The following NKX6-1 variants were observed in gnomAD, a reference collection of about 807,000 sequenced individuals.
The protein encoded by NKX6-1 is homeobox protein Nkx-6.1.
Under a neutral mutation model 24.9 loss-of-function variants are expected in NKX6-1, and 11 were observed. That is an observed-to-expected ratio of 0.44 (90% confidence interval 0.28 to 0.73). The LOEUF (loss-of-function observed/expected upper bound fraction) is 0.73, where lower values mean the gene tolerates loss of function less well. Ranked by LOEUF, NKX6-1 falls within the 30% of genes least tolerant of loss-of-function variation. The probability of loss-of-function intolerance (pLI) is 0.15; values close to 1 mark genes in which losing one functional copy is unlikely to be tolerated. For synonymous variants in NKX6-1, 277 were observed against 242.9 expected (o/e 1.14, Z -1.31); for missense variants, 487 against 502.9 (o/e 0.97, Z 0.30).
rs906385974 is a variant in NKX6-1 at position 84,492,279 on chromosome 4, G to T, written c.*1010C>A. Reference sequence around the variant, plus strand: ...CAATTCCCACCACCTACTTTAACACGCATTTTTATCAGAAAGGAGTTAAAT... The same window carrying T: ...CAATTCCCACCACCTACTTTAACACTCATTTTTATCAGAAAGGAGTTAAAT... On this transcript the variant is annotated 3_prime_UTR_variant, in exon 3 of 3. Coordinates refer to ENST00000295886, the MANE Select transcript of NKX6-1 (RefSeq NM_006168.3). 6.6e-6 allele frequency: 1 copy of T among 152,072 alleles called. No individual in the cohort carries two copies. Among genetic ancestry groups the T allele is most frequent in the Admixed American group, 6.5e-5 (1 of 15,268 alleles). 9.4% of individuals were successfully genotyped at this position (152,072 alleles called of 1,614,324 possible).
chr4:84,495,975 G>T, intron 1 of NKX6-1, 131 bp from the exon 2 acceptor site: 1 of 880,956 alleles, frequency 1.1e-6, no homozygotes, highest in Non-Finnish European at 1.8e-6. Context: ...GCGGACACCA[G>T]AAGTGTAGTG....
chr4:84,493,587 G>A lies in NKX6-1; in HGVS notation c.844-38C>T, dbSNP rs1578467459. On this transcript the variant is annotated intron_variant, in intron 2 of 2. Coordinates refer to ENST00000295886, the MANE Select transcript of NKX6-1 (RefSeq NM_006168.3). This position sits in a 1 kb window ranked among gnomAD's most constrained non-coding sequence, Gnocchi z 5.1. ...AAAAGGGAGGAGAGGGGAGGCAAGGGCGAGGAATTAAACGAGCAGATCCAG... is the reference window on the plus strand; with the variant it reads ...AAAAGGGAGGAGAGGGGAGGCAAGGACGAGGAATTAAACGAGCAGATCCAG... 1.2e-6 allele frequency: 2 copies of A among 1,611,464 alleles called. No homozygotes were observed. Among genetic ancestry groups the A allele is most frequent in the Non-Finnish European group, 1.7e-6 (2 of 1,178,376 alleles).
rs1330946988 is a variant in NKX6-1 at position 84,498,286 on chromosome 4, G to C, written c.-58C>G. 12 of 1,279,870 alleles carry C rather than the reference G, an allele frequency of 9.4e-6. No individual in the cohort carries two copies. The highest frequency in any genetic ancestry group is 1.1e-5 in the Non-Finnish European group (11 of 1,013,698). The allele number at this position is 1,279,870 out of a possible 1,614,324, so 79.3% of individuals were successfully genotyped here. A position where few individuals can be genotyped will look rare whatever the true frequency, so the allele number is the denominator to read the frequency against. On this transcript the variant is annotated 5_prime_UTR_variant, in exon 1 of 3. Transcript: ENST00000295886. Reference sequence around the variant, plus strand: ...GCGAGGGCGCTGGCTGGTGCCCCCCGCGGGGCTCAGAGGAGCCGGAAGCGC... The same window carrying C: ...GCGAGGGCGCTGGCTGGTGCCCCCCCCGGGGCTCAGAGGAGCCGGAAGCGC...
chr4:84,493,475 C>A lies in NKX6-1; in HGVS notation c.918G>T (p.Gln306His). Residue 306 changes from glutamine to histidine, a missense_variant, in exon 3 of 3, where the codon CAG becomes CAT. By Grantham distance (24) the Gln-to-His change is conservative. This residue lies in a region of NKX6-1 where 126 missense variants were observed against 105.5 expected (regional missense o/e 1.19). Coordinates refer to ENST00000295886, the MANE Select transcript of NKX6-1 (RefSeq NM_006168.3). The surrounding 1 kb of genome is among the most constrained non-coding windows in gnomAD (Gnocchi z 5.1). Reference sequence around the variant, plus strand: ...CCTTGAGGCGCTCTGTCTCCGAGTCCTGCTTCTTCTTGGCCGTGGCCATCT... The same window carrying A: ...CCTTGAGGCGCTCTGTCTCCGAGTCATGCTTCTTCTTGGCCGTGGCCATCT... ...AAEMATAKKKQDSETERLKGA... is the reference protein window; with the variant it reads ...AAEMATAKKKHDSETERLKGA... The A allele has an allele frequency of 6.2e-7, 1 of 1,614,264 alleles. No homozygotes were observed.
chr4:84,494,945 G>T (rs984722836), intron 2 of NKX6-1, among the ~76,000 whole-genome samples: 1 of 152,170 alleles, frequency 6.6e-6, no homozygotes, highest in Non-Finnish European at 1.5e-5. Context: ...AAAAATTTCT[G>T]AAATTTGTTT....
Position 84,492,332 on chromosome 4 carries a change from A to C in NKX6-1, c.*957T>G, listed in dbSNP as rs952686392. 2.6e-5 allele frequency: 4 copies of C among 152,124 alleles called. No individual in the cohort carries two copies. Among genetic ancestry groups the C allele is most frequent in the Admixed American group, 2.6e-4 (4 of 15,280 alleles). 9.4% of individuals were successfully genotyped at this position (152,124 alleles called of 1,614,324 possible). A position where few individuals can be genotyped will look rare whatever the true frequency, so the allele number is the denominator to read the frequency against. On this transcript the variant is annotated 3_prime_UTR_variant, in exon 3 of 3. Coordinates refer to ENST00000295886, the MANE Select transcript of NKX6-1 (RefSeq NM_006168.3). ...AAGCTATTGTAGCCCCTCCCTCCCC[A>C]ATATTTTCTTTAAATCACTAATAAA...
rs140114269 is a variant in NKX6-1 at position 84,498,669 on chromosome 4, G to C, written c.-441C>G. 3.3e-3 allele frequency among the ~76,000 whole-genome samples: 505 copies of C among 152,314 alleles called. 3 individuals are homozygous for C. Among genetic ancestry groups the C allele is most frequent in the Middle Eastern group, 0.01 (3 of 294 alleles). On this transcript the variant is annotated 5_prime_UTR_variant, in exon 1 of 3. Coordinates refer to ENST00000295886, the MANE Select transcript of NKX6-1 (RefSeq NM_006168.3). Reference sequence around the variant, plus strand: ...AATCTCCACTTTGAAGTTGGAGGGTGGGGGTGGCTTGCTTTCTTTGGGGAG... The same window carrying C: ...AATCTCCACTTTGAAGTTGGAGGGTCGGGGTGGCTTGCTTTCTTTGGGGAG...
At position 84,493,669 on chromosome 4, in the gene NKX6-1, T is replaced by TGCCCTCCCTCGCA; in HGVS notation, c.844-133_844-121dup. 2 of 1,259,990 alleles carry TGCCCTCCCTCGCA rather than the reference T, an allele frequency of 1.6e-6. No individual in the cohort carries two copies. The highest frequency in any genetic ancestry group is 1.4e-5 in the South Asian group (1 of 70,138). 78.1% of individuals were successfully genotyped at this position (1,259,990 alleles called of 1,614,324 possible). A position where few individuals can be genotyped will look rare whatever the true frequency, so the allele number is the denominator to read the frequency against. On this transcript the variant is annotated intron_variant, in intron 2 of 2. Transcript: ENST00000295886. This position sits in a 1 kb window ranked among gnomAD's most constrained non-coding sequence, Gnocchi z 5.1. ...CTCCCGCGGCCCCCCGAAGGCCTGC[T>TGCCCTCCCTCGCA]GCCCTCCCTCGCAGCCCTCCCTTTT... is the stretch of plus-strand genomic sequence containing the variant.
chr4:84,498,655 T>C lies in NKX6-1; in HGVS notation c.-427A>G, dbSNP rs1720880434. On this transcript the variant is annotated 5_prime_UTR_variant, in exon 1 of 3. Transcript: ENST00000295886. The stretch of plus-strand genomic sequence containing the variant: ...AAAGTTAGTTGCCGAATCTCCACTT[T>C]GAAGTTGGAGGGTGGGGGTGGCTTG... Among the ~76,000 whole-genome samples the C allele has an allele frequency of 6.6e-6, 1 of 152,138 alleles. No individual in the cohort carries two copies. The highest frequency in any genetic ancestry group is 2.4e-5 in the African/African-American group (1 of 41,430).
rs773089750 is a variant in NKX6-1, at chr4:84,492,995, G to A, written c.*294C>T. The A allele has an allele frequency of 1.2e-3, 246 of 204,868 alleles. 5 individuals carry two copies. Among genetic ancestry groups the A allele is most frequent in the Non-Finnish European group, 3.8e-4 (39 of 103,298 alleles). The allele number at this position is 204,868 out of a possible 1,614,324, so 12.7% of individuals were successfully genotyped here. A position where few individuals can be genotyped will look rare whatever the true frequency, so the allele number is the denominator to read the frequency against. On this transcript the variant is annotated 3_prime_UTR_variant, in exon 3 of 3. Coordinates refer to ENST00000295886, the MANE Select transcript of NKX6-1 (RefSeq NM_006168.3). ...GAGGCCGCTGCCCGCCTATGGGGAC[G>A]CGGCTGGGACCGTGGCCCGGCTGCG...
chr4:84,494,347 T>C (rs535807973), intron 2 of NKX6-1, among the ~76,000 whole-genome samples: 2 of 152,344 alleles, frequency 1.3e-5, no homozygotes, highest in Non-Finnish European at 2.9e-5. Context: ...TCAAATGTTA[T>C]TTTAACTGTG....
In NKX6-1 at chr4:84,497,725, C is replaced by G; in HGVS notation, c.504G>C (p.Pro168=). 8.0e-7 allele frequency: 1 copy of G among 1,257,182 alleles called. No homozygotes were observed. Among genetic ancestry groups the G allele is most frequent in the South Asian group, 3.4e-5 (1 of 29,232 alleles). The allele number at this position is 1,257,182 out of a possible 1,614,324, so 77.9% of individuals were successfully genotyped here. Residue 168 remains proline (P), a synonymous_variant, in exon 1 of 3, where the codon CCG becomes CCC. Transcript: ENST00000295886. The surrounding 1 kb of genome is among the most constrained non-coding windows in gnomAD (Gnocchi z 4.8). ...AGLPRFSSLS[P]PPPPPGLYFS... is the part of the protein sequence containing the mutation. ...AGTAGAGCCCGGGCGGCGGCGGCGG[C>G]GGGCTCAGGCTGCTAAAGCGTGGCA...
chr4:84,496,203 G>A (rs1423217398), intron 1 of NKX6-1, among the ~76,000 whole-genome samples: 2 of 151,858 alleles, frequency 1.3e-5, no homozygotes, highest in East Asian at 1.9e-4. Flanking sequence ...TCCAGTCGGT[G>A]CTCGTTCGGC....
intron 2 of NKX6-1, 88 bp downstream of exon 2, chr4:84,495,584 G>GGTGTGTGT (rs10549802): frequency 3.1e-6 from 3 of 960,366 alleles, no homozygotes; most frequent in Admixed American, 2.2e-5. Context: ...GTTAGTTTGG[G>GGTGTGTGT]GTGTGTGTGT....
rs1302991186 is a variant in NKX6-1 at position 84,493,310 on chromosome 4, G to C, written c.1083C>G (p.Ser361=). Residue 361 remains serine (S), a synonymous_variant, in exon 3 of 3, where the codon TCC becomes TCG. Transcript: ENST00000295886. The surrounding 1 kb of genome is among the most constrained non-coding windows in gnomAD (Gnocchi z 5.1). ...GCGTTCAGGATGAGCTCTCCGGCTC[G>C]GACGCGTGCAGTAGGAGGCCGCCGC... ...GGGGGLLLHA[S]EPESSS is the part of the protein sequence containing the mutation. 2 of 1,602,980 alleles carry C rather than the reference G, an allele frequency of 1.2e-6. No individual in the cohort carries two copies. The highest frequency in any genetic ancestry group is 8.5e-7 in the Non-Finnish European group (1 of 1,177,656).
In NKX6-1 at chr4:84,497,689, G is replaced by T; in HGVS notation, c.540C>A (p.Ser180Arg). The T allele has an allele frequency of 2.4e-6, 3 of 1,271,860 alleles. No individual in the cohort carries two copies. The highest frequency in any genetic ancestry group is 3.3e-5 in the South Asian group (1 of 30,592). 78.8% of individuals were successfully genotyped at this position (1,271,860 alleles called of 1,614,324 possible). ...PPPPGLYFSP[S>R]AAAVAAVGRY... is the part of the protein sequence containing the mutation. ...GGCCCACGGCGGCCACGGCCGCGGC[G>T]CTGGGGCTGAAGTAGAGCCCGGGCG... The change falls in exon 1 of 3, where the codon AGC becomes AGA. Residue 180 changes from serine to arginine, a missense_variant. Physicochemically the swap from Ser to Arg is moderately radical, Grantham distance 110. Coordinates refer to ENST00000295886, the MANE Select transcript of NKX6-1 (RefSeq NM_006168.3). This position sits in a 1 kb window ranked among gnomAD's most constrained non-coding sequence, Gnocchi z 4.8.
rs751731662 is a variant in NKX6-1 at position 84,497,550 on chromosome 4, A to G, written c.670+9T>C. The G allele has an allele frequency of 8.0e-7, 1 of 1,255,596 alleles. No individual in the cohort carries two copies. Among genetic ancestry groups the G allele is most frequent in the Non-Finnish European group, 1.0e-6 (1 of 992,708 alleles). The allele number at this position is 1,255,596 out of a possible 1,614,324, so 77.8% of individuals were successfully genotyped here. On this transcript the variant is annotated intron_variant, in intron 1 of 2. Transcript: ENST00000295886. The surrounding 1 kb of genome is among the most constrained non-coding windows in gnomAD (Gnocchi z 4.8). ...AGGCAGGCATCGGGGCGCGGGTGGTAGTACTCACGAGGGGTACAGGCCAGG... is the reference window on the plus strand; with the variant it reads ...AGGCAGGCATCGGGGCGCGGGTGGTGGTACTCACGAGGGGTACAGGCCAGG...
Position 84,492,083 on chromosome 4 carries a change from C to T in NKX6-1, c.*1206G>A, listed in dbSNP as rs1339545627. On this transcript the variant is annotated 3_prime_UTR_variant, in exon 3 of 3. Coordinates refer to ENST00000295886, the MANE Select transcript of NKX6-1 (RefSeq NM_006168.3). ...AGGGGGTTTTCTTCTCTTTACAAAC[C>T]GAATTCCTTATATAAATTAATAAAG... 2.0e-5 allele frequency: 3 copies of T among 151,906 alleles called. No individual in the cohort carries two copies. The highest frequency in any genetic ancestry group is 4.8e-5 in the African/African-American group (2 of 41,322). 9.4% of individuals were successfully genotyped at this position (151,906 alleles called of 1,614,324 possible). A position where few individuals can be genotyped will look rare whatever the true frequency, so the allele number is the denominator to read the frequency against.
chr4:84,496,057 G>T (rs1229915558), intron 1 of NKX6-1, among the ~76,000 whole-genome samples: 1 of 152,118 alleles, frequency 6.6e-6, no homozygotes, highest in Non-Finnish European at 1.5e-5. Flanking sequence ...CCGCGTGTTT[G>T]GCGCAGCAGT....
Sources: gnomAD v4.1 joint callset for allele counts (sites outside exome capture counted in the v4.1 genomes callset) on GRCh38, gnomAD v4.1.1 for gene constraint, gnomAD v4.1.1 regional missense constraint, Gnocchi (gnomAD v3.1) non-coding constraint, MANE v1.5 for transcripts, NCBI Gene and HGNC (gene_info 2026-07-23, HGNC 2026-07-21) for gene names.